The following HMGB1 variants were observed in gnomAD, a reference collection of about 807,000 sequenced individuals.
HMGB1 encodes the protein high mobility group box 1.
For missense variants in HMGB1, 79 were observed against 253.5 expected, an observed-to-expected ratio of 0.31 and a Z score of 4.67; for synonymous variants, 81 against 84.0, an observed-to-expected ratio of 0.96 and a Z score of 0.19.
rs370567500 is a variant in HMGB1 at position 30,463,711 on chromosome 13, A to G, written c.-14-17T>C. The G allele has an allele frequency of 2.3e-3, 3,428 of 1,478,500 alleles. 28 individuals are homozygous for G. The highest frequency in any genetic ancestry group is 0.013 in the South Asian group (1,056 of 81,452). 91.6% of individuals were successfully genotyped at this position (1,478,500 alleles called of 1,614,324 possible). ...GTTATTTTTCTAAAAAATAAAATAA[A>G]TATTTGATGTTAGCAATAAAATTAT... On this transcript the variant is annotated splice_polypyrimidine_tract_variant and intron_variant, in intron 1 of 4. Coordinates refer to ENST00000341423, the MANE Select transcript of HMGB1 (RefSeq NM_002128.7).
chr13:30,600,747 A>G (rs1456033569), intron 1 of HMGB1, among the ~76,000 whole-genome samples: 1 of 152,204 alleles, frequency 6.6e-6, no homozygotes, highest in East Asian at 1.9e-4. Context: ...TAATGCAAAT[A>G]TTTCAAAATC....
At chr13:30,462,027 TATTTA>T (rs911109307) in intron 4 of HMGB1, among the ~76,000 whole-genome samples, 1 of 152,218 alleles carries the variant, frequency 6.6e-6, no homozygotes, top group African/African-American at 2.4e-5. Flanking sequence ...GAAAATTAAG[TATTTA>T]ATATTTCAAT....
intron 1 of HMGB1, among the ~76,000 whole-genome samples, chr13:30,591,700 C>T (rs1055100997): frequency 2.6e-5 from 4 of 151,990 alleles, no homozygotes; most frequent in Admixed American, 6.6e-5. Context: ...TGGGGTTTTG[C>T]CATGTTGCCC....
At chr13:30,604,387 A>G (rs1248864882) in intron 1 of HMGB1, among the ~76,000 whole-genome samples, 1 of 152,186 alleles carries the variant, frequency 6.6e-6, no homozygotes, top group African/African-American at 2.4e-5. Flanking sequence ...CCATAATCCA[A>G]TATCCCCCCA....
At chr13:30,477,393 G>A (rs912062573) in intron 1 of HMGB1, among the ~76,000 whole-genome samples, 3 of 152,156 alleles carry the variant, frequency 2.0e-5, no homozygotes, top group Admixed American at 6.5e-5. Flanking sequence ...CCCATCCAGG[G>A]TAACATCAGG....
chr13:30,551,702 T>C (rs1249509577), intron 1 of HMGB1, among the ~76,000 whole-genome samples: 1 of 152,170 alleles, frequency 6.6e-6, no homozygotes, highest in African/African-American at 2.4e-5. Flanking sequence ...CACTAACCAC[T>C]GCAATTTATT....
chr13:30,609,881 G>A (rs1950497555), intron 1 of HMGB1, among the ~76,000 whole-genome samples: 1 of 152,062 alleles, frequency 6.6e-6, no homozygotes, highest in Admixed American at 6.6e-5. Flanking sequence ...TTAGAATACT[G>A]GCCTCCAGCT....
At chr13:30,578,624 A>G (rs1870766971) in intron 1 of HMGB1, among the ~76,000 whole-genome samples, 1 of 152,082 alleles carries the variant, frequency 6.6e-6, no homozygotes, top group South Asian at 2.1e-4. Context: ...CCTAAAGCAC[A>G]TATATCCTAT....
intron 1 of HMGB1, among the ~76,000 whole-genome samples, chr13:30,562,296 C>CAAAAAAAA: frequency 7.9e-6 from 1 of 126,212 alleles, no homozygotes. Flanking sequence ...GACTCAGTCT[C>CAAAAAAAA]AAAAAAAAAA....
intron 1 of HMGB1, among the ~76,000 whole-genome samples, chr13:30,484,265 G>A (rs1887307644): frequency 1.3e-5 from 2 of 152,170 alleles, no homozygotes; most frequent in Admixed American, 1.3e-4. Flanking sequence ...AGCCCCTGCA[G>A]GGCAGGGTGT....
At chr13:30,506,880 C>T (rs962760803) in intron 1 of HMGB1, among the ~76,000 whole-genome samples, 8 of 152,126 alleles carry the variant, frequency 5.3e-5, no homozygotes, top group Non-Finnish European at 7.4e-5. Context: ...TCCCACACCC[C>T]TAGTTCTCAT....
intron 1 of HMGB1, among the ~76,000 whole-genome samples, chr13:30,583,553 A>C (rs868807429): frequency 6.8e-6 from 1 of 146,732 alleles, no homozygotes; most frequent in Non-Finnish European, 1.5e-5. Context: ...AAAAAAAAAG[A>C]AGCAGGGCAA....
At chr13:30,537,996 G>T (rs1168884345) in intron 1 of HMGB1, among the ~76,000 whole-genome samples, 1 of 151,832 alleles carries the variant, frequency 6.6e-6, no homozygotes, top group Non-Finnish European at 1.5e-5. Flanking sequence ...AACTTTCTAA[G>T]ACCAAACAGA....
intron 1 of HMGB1, among the ~76,000 whole-genome samples, chr13:30,578,767 C>T (rs1870775021): frequency 6.6e-6 from 1 of 152,210 alleles, no homozygotes; most frequent in South Asian, 2.1e-4. Flanking sequence ...ACTCTTGCTA[C>T]ACTAAACTTC....
In HMGB1 at chr13:30,463,484, G is replaced by T. The variant is rs1886489497; in HGVS notation, c.150+47C>A. The T allele has an allele frequency of 2.5e-6, 4 of 1,577,590 alleles. No homozygotes were observed. The South Asian group carries it at 4.6e-5, about 18-fold the overall frequency. ...AGGCTTTTTTTTGCATCCTCAATTG[G>T]AAACTGTCTTTTAATTACCTTGTTA... On this transcript the variant is annotated intron_variant, in intron 2 of 4. Coordinates refer to ENST00000341423, the MANE Select transcript of HMGB1 (RefSeq NM_002128.7).
At chr13:30,552,381 T>A (rs889007962) in intron 1 of HMGB1, among the ~76,000 whole-genome samples, 1 of 152,192 alleles carries the variant, frequency 6.6e-6, no homozygotes, top group Non-Finnish European at 1.5e-5. Flanking sequence ...GGAAATTTAA[T>A]ATTGAAATAC....
chr13:30,522,517 G>A (rs1347065935), intron 1 of HMGB1, among the ~76,000 whole-genome samples: 1 of 152,104 alleles, frequency 6.6e-6, no homozygotes, highest in East Asian at 1.9e-4. Flanking sequence ...TGACGAATTA[G>A]AGGTAAACTG....
intron 1 of HMGB1, among the ~76,000 whole-genome samples, chr13:30,482,205 C>T (rs1887246576): frequency 1.3e-5 from 2 of 152,192 alleles, no homozygotes; most frequent in South Asian, 2.1e-4. Context: ...AACATTTTCA[C>T]TTAGGAAAGT....
chr13:30,492,099 C>T (rs1887509080), intron 1 of HMGB1, among the ~76,000 whole-genome samples: 1 of 151,386 alleles, frequency 6.6e-6, no homozygotes, highest in Non-Finnish European at 1.5e-5. Flanking sequence ...AGCCAGGAGG[C>T]GGAGGTTGCA....
Sources: gnomAD v4.1 joint callset for allele counts (sites outside exome capture counted in the v4.1 genomes callset) on GRCh38, gnomAD v4.1.1 for gene constraint, MANE v1.5 for transcripts, NCBI Gene and HGNC (gene_info 2026-07-23, HGNC 2026-07-21) for gene names.